TMEM71: variants seen among roughly 807,000 people sequenced by gnomAD.
The protein encoded by TMEM71 is transmembrane protein 71.
A neutral mutation model predicts 38.0 loss-of-function variants in TMEM71; 44 were observed. The observed-to-expected ratio is 1.16, with a 90% confidence interval of 0.91 to 1.49. The LOEUF (loss-of-function observed/expected upper bound fraction) is 1.49, where lower values mean the gene tolerates loss of function less well. TMEM71 is among the 40% of genes most tolerant of loss of function. The pLI is 0.00. For synonymous variants in TMEM71, 133 were observed against 122.5 expected (o/e 1.09, Z -0.56); for missense variants, 367 against 348.6 (o/e 1.05, Z -0.42).
intron 3 of TMEM71, among the ~76,000 whole-genome samples, chr8:132,755,598 G>A (rs1420903546): frequency 1.3e-5 from 2 of 152,088 alleles, no homozygotes; most frequent in Non-Finnish European, 2.9e-5. Context: ...AATATCATTA[G>A]GACCATTAAA....
intron 7 of TMEM71, among the ~76,000 whole-genome samples, chr8:132,717,971 T>TAC (rs1349754754): frequency 6.6e-6 from 1 of 152,214 alleles, no homozygotes; most frequent in Non-Finnish European, 1.5e-5. Flanking sequence ...AACATTATGC[T>TAC]ACATAAGTCA....
chr8:132,743,076 C>T (rs1828137907), intron 5 of TMEM71, among the ~76,000 whole-genome samples: 1 of 152,124 alleles, frequency 6.6e-6, no homozygotes, highest in African/African-American at 2.4e-5. Flanking sequence ...CCACCAGGCC[C>T]CTCCCACAAC....
intron 9 of TMEM71, among the ~76,000 whole-genome samples, chr8:132,713,172 T>C (rs369481083): frequency 1.0e-4 from 13 of 126,428 alleles, no homozygotes; most frequent in African/African-American, 2.6e-4. Flanking sequence ...GGCTAAATTA[T>C]AAGGATTTCT....
intron 4 of TMEM71, among the ~76,000 whole-genome samples, chr8:132,749,914 G>A (rs923346444): frequency 6.6e-6 from 1 of 151,336 alleles, no homozygotes; most frequent in Non-Finnish European, 1.5e-5. Context: ...CTTGGGAGGC[G>A]GAGGCAGAAG....
chr8:132,735,719 T>C (rs1827711802), intron 5 of TMEM71, among the ~76,000 whole-genome samples: 1 of 152,134 alleles, frequency 6.6e-6, no homozygotes, highest in Non-Finnish European at 1.5e-5. Context: ...GAAGGAAAAA[T>C]TAGATGTTAA....
At chr8:132,757,744 T>C (rs1001706787) in intron 2 of TMEM71, among the ~76,000 whole-genome samples, 3 of 147,708 alleles carry the variant, frequency 2.0e-5, no homozygotes, top group Non-Finnish European at 4.4e-5. Context: ...GAGAATGGCG[T>C]GAACCTGGGA....
intron 5 of TMEM71, among the ~76,000 whole-genome samples, chr8:132,737,656 C>T (rs1827821703): frequency 1.3e-5 from 2 of 152,162 alleles, no homozygotes; most frequent in African/African-American, 2.4e-5. Flanking sequence ...AATAATAACT[C>T]AGAGGCTTTG....
upstream of TMEM71, among the ~76,000 whole-genome samples, chr8:132,763,874 C>A (rs537502666): frequency 1.1e-3 from 169 of 152,322 alleles, no homozygotes; most frequent in Middle Eastern, 0.01. Flanking sequence ...CTAAAGAACT[C>A]ATGTTAGGAA....
At chr8:132,707,544 G>A (rs1826111841), downstream of TMEM71, among the ~76,000 whole-genome samples, 1 of 152,096 alleles carries the variant, frequency 6.6e-6, no homozygotes. Context: ...CTCGGGAGTA[G>A]GTTCCTGATA....
At chr8:132,745,214 G>T (rs1828271346) in intron 5 of TMEM71, among the ~76,000 whole-genome samples, 2 of 152,064 alleles carry the variant, frequency 1.3e-5, no homozygotes, top group African/African-American at 2.4e-5. Flanking sequence ...CACAACAAAA[G>T]AAACTATCAA....
upstream of TMEM71, among the ~76,000 whole-genome samples, chr8:132,763,533 C>A (rs978774469): frequency 6.6e-6 from 1 of 152,136 alleles, no homozygotes; most frequent in Non-Finnish European, 1.5e-5. Context: ...GGGGAAAAGA[C>A]GAGTGGCAAA....
At chr8:132,763,282 G>A (rs1219106525), upstream of TMEM71, among the ~76,000 whole-genome samples, 3 of 152,128 alleles carry the variant, frequency 2.0e-5, no homozygotes, top group African/African-American at 4.8e-5. Flanking sequence ...CAGAACATGA[G>A]CATTAAAAGA....
chr8:132,743,146 G>A (rs1355331135), intron 5 of TMEM71, among the ~76,000 whole-genome samples: 1 of 151,214 alleles, frequency 6.6e-6, no homozygotes, highest in Non-Finnish European at 1.5e-5. Context: ...CATGACACAT[G>A]CTCAAATTTC....
At chr8:132,752,129 G>A in intron 3 of TMEM71, 132 bp from the exon 4 acceptor site, 2 of 726,566 alleles carry the variant, frequency 2.8e-6, no homozygotes, top group Non-Finnish European at 4.7e-6. Flanking sequence ...GCAACCATTA[G>A]GAATGTCACT....
the TMEM71 span, among the ~76,000 whole-genome samples, chr8:132,766,118 G>T: frequency 1.6e-4 from 25 of 152,178 alleles, no homozygotes; most frequent in African/African-American, 6.0e-4. Context: ...TTAACTGCAA[G>T]TTGGCTGTAG....
chr8:132,755,268 A>G (rs1828940492), intron 3 of TMEM71, among the ~76,000 whole-genome samples: 1 of 152,182 alleles, frequency 6.6e-6, no homozygotes, highest in Admixed American at 6.5e-5. Context: ...AAACGAAATG[A>G]AGACACTCTT....
At chr8:132,708,819 A>G (rs936857540), downstream of TMEM71, among the ~76,000 whole-genome samples, 1 of 152,232 alleles carries the variant, frequency 6.6e-6, no homozygotes, top group Non-Finnish European at 1.5e-5. Flanking sequence ...AGAAAAGGAG[A>G]TGTGACCACA....
chr8:132,747,579 G>T (rs1828461262), intron 4 of TMEM71, among the ~76,000 whole-genome samples: 1 of 152,208 alleles, frequency 6.6e-6, no homozygotes, highest in African/African-American at 2.4e-5. Context: ...ATCCCAGAGA[G>T]TCTGCCTCCA....
intron 6 of TMEM71, among the ~76,000 whole-genome samples, chr8:132,726,488 A>G (rs1278498448): frequency 6.6e-6 from 1 of 152,234 alleles, no homozygotes; most frequent in East Asian, 1.9e-4. Flanking sequence ...TAGTATGCTA[A>G]GTACTTTACA....
Sources: gnomAD v4.1 joint callset for allele counts (sites outside exome capture counted in the v4.1 genomes callset) on GRCh38, gnomAD v4.1.1 for gene constraint, MANE v1.5 for transcripts, NCBI Gene and HGNC (gene_info 2026-07-23, HGNC 2026-07-21) for gene names.